Variants in PRKACB observed in about 807,000 individuals in gnomAD.
PRKACB encodes protein kinase cAMP-activated catalytic subunit beta.
In PRKACB, 16 loss-of-function variants were observed where a neutral mutation model predicts 51.4. The observed-to-expected ratio is 0.31, with a 90% CI of 0.21 to 0.47. The LOEUF (loss-of-function observed/expected upper bound fraction) is 0.47. Among genes scored for constraint, PRKACB ranks in the 20% least tolerant of loss-of-function variants. PRKACB has a pLI of 1.00. For synonymous variants in PRKACB, 147 were observed against 154.4 expected, an observed-to-expected ratio of 0.95 and a Z score of 0.35; for missense variants, 309 against 464.5, an observed-to-expected ratio of 0.67 and a Z score of 3.08.
At chr1:84,137,803 T>A (rs1453877486) in intron 1 of PRKACB, among the ~76,000 whole-genome samples, 1 of 152,186 alleles carries the variant, frequency 6.6e-6, no homozygotes, top group Non-Finnish European at 1.5e-5. Flanking sequence ...AATAAGTTGA[T>A]GGTGGATGGT....
At chr1:84,223,410 C>T (rs1674068694) in intron 9 of PRKACB, among the ~76,000 whole-genome samples, 1 of 150,160 alleles carries the variant, frequency 6.7e-6, no homozygotes, top group African/African-American at 2.5e-5. Context: ...GCTCTGTCGC[C>T]CAGGCAAGAG....
chr1:84,183,171 A>G (rs921324884), intron 3 of PRKACB, among the ~76,000 whole-genome samples: 1 of 152,030 alleles, frequency 6.6e-6, no homozygotes. Flanking sequence ...GACTCCAGCA[A>G]GAAAGAATGC....
rs1216031978 is a variant in PRKACB, at chr1:84,175,782, C to T, written c.188-3395C>T. 2.6e-6 allele frequency: 4 copies of T among 1,566,836 alleles called. No homozygotes were observed. In the Admixed American group the frequency reaches 5.7e-5, roughly 22 times the overall value. On this transcript the variant is annotated intron_variant, in intron 1 of 9. Coordinates refer to ENST00000370685, the MANE Select transcript of PRKACB (RefSeq NM_182948.4). The stretch of plus-strand genomic sequence containing the variant: ...TGGGTGAATGTTCCTGCAAACAAAT[C>T]TTGGGTGAACATGTAGATTCCTTTG...
intron 1 of PRKACB, chr1:84,086,311 G>A (rs960637734): frequency 2.1e-5 from 19 of 917,058 alleles, no homozygotes; most frequent in East Asian, 7.3e-5. Context: ...CCTCCCTCCT[G>A]TCTGGCCCCT....
At chr1:84,136,403 G>A (rs1248381267) in intron 1 of PRKACB, among the ~76,000 whole-genome samples, 1 of 151,312 alleles carries the variant, frequency 6.6e-6, no homozygotes, top group Admixed American at 6.6e-5. Flanking sequence ...TGTCAAATAA[G>A]TATATGAAAA....
chr1:84,228,769 TA>T (rs1360911718), intron 9 of PRKACB, among the ~76,000 whole-genome samples: 6 of 152,156 alleles, frequency 3.9e-5, no homozygotes, highest in Non-Finnish European at 5.9e-5. Flanking sequence ...CAATTAAAAG[TA>T]AGTCTGAGAT....
chr1:84,198,234 T>C (rs1040546262), intron 7 of PRKACB, among the ~76,000 whole-genome samples: 3 of 152,136 alleles, frequency 2.0e-5, no homozygotes, highest in African/African-American at 7.2e-5. Context: ...AAGGAATGTA[T>C]GAGAAGTGTT....
chr1:84,123,463 A>G (rs1557971946), intron 1 of PRKACB, among the ~76,000 whole-genome samples: 2 of 152,174 alleles, frequency 1.3e-5, no homozygotes, highest in Non-Finnish European at 2.9e-5. Flanking sequence ...CATATGTACA[A>G]CAACAAAGTA....
At chr1:84,196,823 AT>A in intron 6 of PRKACB, 81 bp downstream of exon 6, 61 of 1,400,910 alleles carry the variant, frequency 4.4e-5, no homozygotes, top group Middle Eastern at 1.9e-4. Flanking sequence ...CCAACTTGGA[AT>A]TTTTTTTGAA....
intron 1 of PRKACB, among the ~76,000 whole-genome samples, chr1:84,124,635 G>C (rs1465978521): frequency 6.6e-6 from 1 of 152,202 alleles, no homozygotes; most frequent in East Asian, 1.9e-4. Flanking sequence ...TCAAATGCCT[G>C]AGGTTCGCAG....
chr1:84,162,184 G>A (rs533560385), intron 1 of PRKACB, among the ~76,000 whole-genome samples: 57 of 151,998 alleles, frequency 3.8e-4, no homozygotes, highest in Non-Finnish European at 7.5e-4. Flanking sequence ...TCCCCTGGAC[G>A]TGATTCATCA....
At chr1:84,085,329 T>C (rs1647879564) in intron 1 of PRKACB, among the ~76,000 whole-genome samples, 1 of 152,174 alleles carries the variant, frequency 6.6e-6, no homozygotes, top group Admixed American at 6.5e-5. Context: ...AGTAAAATCA[T>C]AAACTTGAGA....
intron 9 of PRKACB, among the ~76,000 whole-genome samples, chr1:84,218,150 A>G (rs1249515222): frequency 1.3e-5 from 2 of 152,206 alleles, no homozygotes; most frequent in Admixed American, 6.5e-5. Context: ...TTGTGTTGGG[A>G]ACATTTCAAA....
At chr1:84,217,436 C>T (rs1293754653) in intron 9 of PRKACB, among the ~76,000 whole-genome samples, 1 of 152,052 alleles carries the variant, frequency 6.6e-6, no homozygotes, top group Non-Finnish European at 1.5e-5. Flanking sequence ...CCTTCAGTCT[C>T]TTATCTCACA....
chr1:84,104,454 A>G (rs540660175), intron 1 of PRKACB, among the ~76,000 whole-genome samples: 3 of 152,212 alleles, frequency 2.0e-5, no homozygotes, highest in South Asian at 2.1e-4. Flanking sequence ...TGGGGTGCAG[A>G]TGTCTCTTCA....
chr1:84,142,685 A>G (rs186908323), upstream of PRKACB, among the ~76,000 whole-genome samples: 5 of 152,338 alleles, frequency 3.3e-5, no homozygotes, highest in East Asian at 9.6e-4. Context: ...TTATTCACAC[A>G]TAATATTTAT....
intron 8 of PRKACB, among the ~76,000 whole-genome samples, chr1:84,213,898 T>C (rs1218064015): frequency 2.0e-5 from 3 of 152,352 alleles, no homozygotes; most frequent in East Asian, 3.9e-4. Flanking sequence ...TTCTGGAGAC[T>C]GCTCCATGTT....
chr1:84,184,108 C>T lies in PRKACB; in HGVS notation c.450C>T (p.Phe150=), dbSNP rs943874847. The change falls in exon 4 of 10, where the codon TTC becomes TTT. Residue 150 remains phenylalanine, a synonymous_variant. Coordinates refer to ENST00000370685, the MANE Select transcript of PRKACB (RefSeq NM_182948.4). ...KRILQAVNFP[F]LVRLEYAFKD... ...TATTACAGGCAGTGAATTTTCCTTT[C>T]CTTGTTCGACTGGAGTATGCTTTTA... 9 of 1,603,404 alleles carry T rather than the reference C, an allele frequency of 5.6e-6. No individual in the cohort carries two copies. Among genetic ancestry groups the T allele is most frequent in the Non-Finnish European group, 7.7e-6 (9 of 1,174,656 alleles).
chr1:84,142,266 A>G (rs1266005377), upstream of PRKACB, among the ~76,000 whole-genome samples: 1 of 152,202 alleles, frequency 6.6e-6, no homozygotes, highest in Non-Finnish European at 1.5e-5. Flanking sequence ...AAAACAAAGC[A>G]GCAAAGTTTG....
Sources: gnomAD v4.1 joint callset for allele counts (sites outside exome capture counted in the v4.1 genomes callset) on GRCh38, gnomAD v4.1.1 for gene constraint, MANE v1.5 for transcripts, NCBI Gene and HGNC (gene_info 2026-07-23, HGNC 2026-07-21) for gene names.